Variants in SLC16A12 observed in about 807,000 individuals in gnomAD.
The protein encoded by SLC16A12 is solute carrier family 16 member 12.
SLC16A12 carries 17 observed loss-of-function variants against 42.4 expected under a neutral mutation model. The ratio of observed to expected loss-of-function variants is 0.40; its 90% CI spans 0.27 to 0.60. The LOEUF is 0.60. SLC16A12 is among the 20% of genes least tolerant of loss of function. The pLI is 0.42. For missense variants in SLC16A12, 544 were observed against 623.0 expected, an observed-to-expected ratio of 0.87 and a Z score of 1.35; for synonymous variants, 224 against 229.4, an observed-to-expected ratio of 0.98 and a Z score of 0.21.
At chr10:89,442,181 C>A (rs1841923048) in intron 4 of SLC16A12, among the ~76,000 whole-genome samples, 1 of 152,170 alleles carries the variant, frequency 6.6e-6, no homozygotes, top group South Asian at 2.1e-4. Flanking sequence ...TGGGGGTCAA[C>A]TGTTACCTTC....
intron 2 of SLC16A12, among the ~76,000 whole-genome samples, chr10:89,496,531 A>G (rs1424562969): frequency 6.6e-6 from 1 of 152,198 alleles, no homozygotes; most frequent in Non-Finnish European, 1.5e-5. Flanking sequence ...AGATGATGAA[A>G]GAAATGCTAT....
chr10:89,472,042 G>C (rs763021167), intron 2 of SLC16A12, among the ~76,000 whole-genome samples: 1 of 152,070 alleles, frequency 6.6e-6, no homozygotes, highest in African/African-American at 2.4e-5. Flanking sequence ...GGATATATGT[G>C]TTAGAAATAT....
intron 2 of SLC16A12, among the ~76,000 whole-genome samples, chr10:89,518,817 G>A (rs994639636): frequency 1.3e-5 from 2 of 152,040 alleles, no homozygotes; most frequent in East Asian, 1.9e-4. Context: ...GGTCACTGCT[G>A]GTGGACCCTT....
chr10:89,543,250 T>A (rs1843726435), intron 2 of SLC16A12, among the ~76,000 whole-genome samples: 1 of 152,218 alleles, frequency 6.6e-6, no homozygotes, highest in Non-Finnish European at 1.5e-5. Context: ...TTTTTCTGTT[T>A]CAAATTGTCA....
Position 89,430,649 on chromosome 10 carries a change from A to G in SLC16A12, c.*2415T>C, listed in dbSNP as rs888477982. On this transcript the variant is annotated 3_prime_UTR_variant, in exon 8 of 8. Coordinates refer to ENST00000371790, the MANE Select transcript of SLC16A12 (RefSeq NM_213606.4). The stretch of plus-strand genomic sequence containing the variant: ...TAAAATAGTAGACCTTAAGATGTAC[A>G]TTTTTCTTACTGATTTTCTAAAAAT... 3 of 467,188 alleles carry G rather than the reference A, an allele frequency of 6.4e-6. No individual in the cohort carries two copies. Among genetic ancestry groups the G allele is most frequent in the African/African-American group, 4.0e-5 (2 of 49,896 alleles). The allele number at this position is 467,188 out of a possible 1,614,324, so 28.9% of individuals were successfully genotyped here. A position where few individuals can be genotyped will look rare whatever the true frequency, so the allele number is the denominator to read the frequency against.
chr10:89,526,030 G>C (rs552220180), intron 2 of SLC16A12, among the ~76,000 whole-genome samples: 165 of 152,214 alleles, frequency 1.1e-3, no homozygotes, highest in African/African-American at 3.8e-3. Flanking sequence ...CCTGCATGTA[G>C]AAGGGGCCCC....
intron 2 of SLC16A12, among the ~76,000 whole-genome samples, chr10:89,467,246 G>GA (rs1842416666): frequency 6.6e-6 from 1 of 152,178 alleles, no homozygotes; most frequent in South Asian, 2.1e-4. Context: ...GCCGCCCTAT[G>GA]CTGTGAAAGA....
intron 2 of SLC16A12, among the ~76,000 whole-genome samples, chr10:89,547,608 TATA>T (rs1344722481): frequency 6.6e-6 from 1 of 152,148 alleles, no homozygotes; most frequent in Admixed American, 6.5e-5. Flanking sequence ...ACTACAACCT[TATA>T]ATAAGAAAAG....
intron 2 of SLC16A12, among the ~76,000 whole-genome samples, chr10:89,534,165 C>G (rs1843607554): frequency 6.6e-6 from 1 of 152,318 alleles, no homozygotes; most frequent in African/African-American, 2.4e-5. Flanking sequence ...TACCACTACT[C>G]TTTTACATCC....
intron 2 of SLC16A12, among the ~76,000 whole-genome samples, chr10:89,520,869 T>C (rs1029060347): frequency 2.6e-5 from 4 of 152,118 alleles, no homozygotes; most frequent in Admixed American, 2.0e-4. Context: ...GATATGATCA[T>C]TGCTTGTTAT....
intron 2 of SLC16A12, among the ~76,000 whole-genome samples, chr10:89,468,805 A>G (rs1322948979): frequency 6.6e-6 from 1 of 152,168 alleles, no homozygotes. Flanking sequence ...CTGACAAGAG[A>G]CAAATATAAT....
chr10:89,495,904 T>G (rs1842915945), intron 2 of SLC16A12, among the ~76,000 whole-genome samples: 1 of 152,224 alleles, frequency 6.6e-6, no homozygotes, highest in South Asian at 2.1e-4. Flanking sequence ...GTGTATTTCT[T>G]TGGCACCATT....
intron 3 of SLC16A12, among the ~76,000 whole-genome samples, chr10:89,460,377 C>A (rs1434155959): frequency 6.6e-6 from 1 of 152,070 alleles, no homozygotes; most frequent in Non-Finnish European, 1.5e-5. Flanking sequence ...GATGAGAAGT[C>A]ACAATGCCAA....
At chr10:89,475,904 A>G (rs1268073917) in intron 2 of SLC16A12, among the ~76,000 whole-genome samples, 1 of 152,218 alleles carries the variant, frequency 6.6e-6, no homozygotes, top group Admixed American at 6.5e-5. Context: ...CCACCCTTTC[A>G]GTTCCTAATC....
intron 2 of SLC16A12, among the ~76,000 whole-genome samples, chr10:89,499,706 CACAA>C (rs1308927819): frequency 6.6e-6 from 1 of 151,866 alleles, no homozygotes; most frequent in African/African-American, 2.4e-5. Flanking sequence ...TCTAAAAGAG[CACAA>C]ACAGACAATC....
intron 2 of SLC16A12, among the ~76,000 whole-genome samples, chr10:89,551,365 C>T (rs1266415375): frequency 6.6e-6 from 1 of 152,096 alleles, no homozygotes; most frequent in Non-Finnish European, 1.5e-5. Context: ...ATTGCTTGAA[C>T]TTGGGAGGGG....
intron 2 of SLC16A12, among the ~76,000 whole-genome samples, chr10:89,486,794 T>C (rs987094859): frequency 2.6e-5 from 4 of 152,154 alleles, no homozygotes; most frequent in African/African-American, 4.8e-5. Flanking sequence ...AAAAGGGATG[T>C]CCTGGATACC....
At position 89,525,377 on chromosome 10, in the gene SLC16A12, T is replaced by C. The variant is rs1385840573; in HGVS notation, c.-47+9124A>G. On this transcript the variant is annotated intron_variant, in intron 2 of 7. Coordinates refer to ENST00000371790, the MANE Select transcript of SLC16A12 (RefSeq NM_213606.4). The stretch of plus-strand genomic sequence containing the variant: ...ATACCAATTTGGGTCCATCAGTTAC[T>C]GAGCAAAACTTGAAATTTTAGTTAG... Among the ~76,000 whole-genome samples, 6 of 152,324 alleles carry C rather than the reference T, an allele frequency of 3.9e-5. No individual in the cohort carries two copies. In the South Asian group the frequency reaches 1.2e-3, roughly 32 times the overall value.
intron 3 of SLC16A12, among the ~76,000 whole-genome samples, chr10:89,455,786 C>T (rs1842179517): frequency 6.6e-6 from 1 of 152,112 alleles, no homozygotes; most frequent in South Asian, 2.1e-4. Flanking sequence ...TTTGATAAAG[C>T]TTCTTAATCC....
Sources: gnomAD v4.1 joint callset for allele counts (sites outside exome capture counted in the v4.1 genomes callset) on GRCh38, gnomAD v4.1.1 for gene constraint, MANE v1.5 for transcripts, NCBI Gene and HGNC (gene_info 2026-07-23, HGNC 2026-07-21) for gene names.